MED13L: variants seen among roughly 807,000 people sequenced by gnomAD.
MED13L encodes mediator of RNA polymerase II transcription subunit 13-like.
A neutral mutation model predicts 220.9 loss-of-function variants in MED13L; 7 were observed. That is an observed-to-expected ratio of 0.03 (90% CI 0.02 to 0.06). The LOEUF is 0.06. MED13L is among the 10% of genes least tolerant of loss of function. The pLI is 1.00. For missense variants in MED13L, 1,965 were observed against 2,760.5 expected (o/e 0.71, Z 6.46); for synonymous variants, 1,011 against 1,015.2 (o/e 1.00, Z 0.08).
intron 1 of MED13L, among the ~76,000 whole-genome samples, chr12:116,266,300 T>G (rs1435382535): frequency 6.6e-6 from 1 of 152,114 alleles, no homozygotes; most frequent in Non-Finnish European, 1.5e-5. Flanking sequence ...AGAAGGGAAG[T>G]GCTAAAATGC....
At chr12:116,242,928 T>C (rs1870783917) in intron 1 of MED13L, among the ~76,000 whole-genome samples, 1 of 152,220 alleles carries the variant, frequency 6.6e-6, no homozygotes, top group African/African-American at 2.4e-5. Flanking sequence ...ACAAAGAAAC[T>C]GTCATCAACT....
chr12:115,966,747 TAAGAG>T (rs1876192065), intron 28 of MED13L, among the ~76,000 whole-genome samples: 1 of 152,198 alleles, frequency 6.6e-6, no homozygotes, highest in African/African-American at 2.4e-5. Flanking sequence ...TTCCCCTTAA[TAAGAG>T]ACTCCTGGAA....
intron 30 of MED13L, 116 bp downstream of exon 30, chr12:115,963,291 C>A (rs1250209290): frequency 7.2e-6 from 6 of 833,054 alleles, no homozygotes; most frequent in Non-Finnish European, 1.2e-5. Flanking sequence ...TACTGTATCA[C>A]TGCACAAACG....
At chr12:115,987,371 T>C (rs1447495200) in intron 17 of MED13L, 83 bp from the exon 18 acceptor site, 5 of 1,296,038 alleles carry the variant, frequency 3.9e-6, no homozygotes, top group African/African-American at 2.9e-5. Context: ...GCCTCAGTTA[T>C]ATTCAGAACA....
intron 3 of MED13L, among the ~76,000 whole-genome samples, chr12:116,101,380 A>G (rs553956780): frequency 3.0e-4 from 46 of 152,344 alleles, no homozygotes; most frequent in African/African-American, 1.0e-3. Context: ...CTCAATAAAT[A>G]TATGAGAAAT....
chr12:116,163,499 G>A (rs1286908509), intron 2 of MED13L, among the ~76,000 whole-genome samples: 2 of 151,650 alleles, frequency 1.3e-5, no homozygotes, highest in Admixed American at 6.6e-5. Context: ...TGAGTAGCTG[G>A]GATTACAGGT....
chr12:116,231,168 T>C (rs768616274), intron 2 of MED13L, among the ~76,000 whole-genome samples: 2 of 152,184 alleles, frequency 1.3e-5, no homozygotes, highest in African/African-American at 2.4e-5. Flanking sequence ...TTAGGCTCTT[T>C]TGAGGAAAGA....
intron 2 of MED13L, among the ~76,000 whole-genome samples, chr12:116,118,207 T>A (rs1874699532): frequency 6.6e-6 from 1 of 152,170 alleles, no homozygotes; most frequent in African/African-American, 2.4e-5. Flanking sequence ...TAACATAAAT[T>A]AACATAAAGT....
At chr12:116,111,608 T>A in intron 2 of MED13L, 96 bp from the exon 3 acceptor site, 1 of 896,836 alleles carries the variant, frequency 1.1e-6, no homozygotes, top group Non-Finnish European at 1.7e-6. Flanking sequence ...GCAAAGTTCA[T>A]GAGTTAATTT....
chr12:116,063,634 T>C (rs1315089781), intron 4 of MED13L, among the ~76,000 whole-genome samples: 1 of 152,220 alleles, frequency 6.6e-6, no homozygotes, highest in Non-Finnish European at 1.5e-5. Context: ...CTGACCTAGA[T>C]AAATGGTTAT....
chr12:116,106,527 A>G (rs1312013581), intron 3 of MED13L, among the ~76,000 whole-genome samples: 1 of 152,170 alleles, frequency 6.6e-6, no homozygotes, highest in Admixed American at 6.5e-5. Context: ...TGCTTACTTA[A>G]CCAAAAGTAT....
intron 13 of MED13L, among the ~76,000 whole-genome samples, chr12:116,004,906 A>C (rs1045293395): frequency 2.0e-4 from 30 of 152,206 alleles, no homozygotes; most frequent in African/African-American, 7.2e-4. Flanking sequence ...TCACTTGGTC[A>C]CGTCGTATCT....
rs145059455 is a variant in MED13L, at chr12:116,060,435, G to A, written c.479+36234C>T. ...TCTATTAACATACAAAAAATTAGCC[G>A]GGCACTGTGGCGGGTGCCTGTAGTC... is the stretch of plus-strand genomic sequence containing the variant. On this transcript the variant is annotated intron_variant, in intron 4 of 30. Transcript: ENST00000281928. Among the ~76,000 whole-genome samples the A allele has an allele frequency of 4.3e-3, 658 of 151,710 alleles. 4 individuals carry two copies. The highest frequency in any genetic ancestry group is 0.015 in the African/African-American group (613 of 41,366).
chr12:116,119,116 G>C (rs1874784067), intron 2 of MED13L, among the ~76,000 whole-genome samples: 1 of 152,078 alleles, frequency 6.6e-6, no homozygotes, highest in Admixed American at 6.6e-5. Flanking sequence ...CTATCATTAA[G>C]AGTCCTAATT....
chr12:116,135,407 G>C (rs1180692338), intron 2 of MED13L, among the ~76,000 whole-genome samples: 1 of 152,174 alleles, frequency 6.6e-6, no homozygotes, highest in Non-Finnish European at 1.5e-5. Context: ...AGTCACAAAT[G>C]TGAATAAAAA....
At chr12:116,122,542 T>C (rs539514172) in intron 2 of MED13L, among the ~76,000 whole-genome samples, 1 of 152,332 alleles carries the variant, frequency 6.6e-6, no homozygotes, top group South Asian at 2.1e-4. Context: ...TGGAAATGGA[T>C]TGTAACCTTC....
At chr12:115,981,247 A>AC (rs1421666343) in intron 22 of MED13L, among the ~76,000 whole-genome samples, 6 of 152,208 alleles carry the variant, frequency 3.9e-5, no homozygotes, top group Non-Finnish European at 8.8e-5. Context: ...TACAGGTATT[A>AC]CCATGGCCCC....
chr12:116,157,503 T>C (rs1278894546), intron 2 of MED13L, among the ~76,000 whole-genome samples: 1 of 152,222 alleles, frequency 6.6e-6, no homozygotes, highest in African/African-American at 2.4e-5. Context: ...TTATGCCATA[T>C]ACAAGTCTAT....
At chr12:116,110,092 A>G (rs979077369) in intron 3 of MED13L, 1 of 152,158 alleles carries the variant, frequency 6.6e-6, no homozygotes, top group Non-Finnish European at 1.5e-5. Flanking sequence ...TTTTTCTCAT[A>G]CAAGCTCTTA....
Sources: allele counts gnomAD v4.1 joint callset (sites outside exome capture counted in the v4.1 genomes callset), GRCh38; gene constraint gnomAD v4.1.1; transcripts MANE v1.5; gene names NCBI Gene and HGNC (gene_info 2026-07-23, HGNC 2026-07-21).